Variants in RSRC1 observed in about 807,000 individuals in gnomAD.
RSRC1 encodes the protein serine/Arginine-related protein 53.
In RSRC1, 39 loss-of-function variants were observed where a neutral mutation model predicts 49.1. The ratio of observed to expected loss-of-function variants is 0.79; its 90% CI spans 0.61 to 1.04. The LOEUF (loss-of-function observed/expected upper bound fraction) is 1.04, where lower values mean the gene tolerates loss of function less well. RSRC1 is among the 50% of genes least tolerant of loss of function. The pLI is 0.00. For synonymous variants in RSRC1, 143 were observed against 130.8 expected, an observed-to-expected ratio of 1.09 and a Z score of -0.63; for missense variants, 388 against 402.4, an observed-to-expected ratio of 0.96 and a Z score of 0.31.
intron 7 of RSRC1, among the ~76,000 whole-genome samples, chr3:158,461,613 G>A (rs575959080): frequency 1.3e-4 from 19 of 151,404 alleles, no homozygotes; most frequent in Non-Finnish European, 2.2e-4. Context: ...TTTTCTTCAC[G>A]GGGGATTATA....
chr3:158,292,188 A>G (rs912204159), intron 4 of RSRC1, among the ~76,000 whole-genome samples: 2 of 152,164 alleles, frequency 1.3e-5, no homozygotes, highest in African/African-American at 4.8e-5. Context: ...TGCCAACATC[A>G]CTATCTGTGC....
intron 4 of RSRC1, among the ~76,000 whole-genome samples, chr3:158,240,767 C>T (rs143828439): frequency 0.014 from 2,155 of 152,240 alleles, 23 homozygotes; most frequent in Middle Eastern, 0.027. Context: ...TGATGAAAAT[C>T]TTCACTGTCT....
intron 3 of RSRC1, among the ~76,000 whole-genome samples, chr3:158,195,642 A>C: frequency 6.6e-6 from 1 of 152,166 alleles, no homozygotes; most frequent in Non-Finnish European, 1.5e-5. Context: ...TCTAAGATTT[A>C]AGTCTATAAT....
chr3:158,254,983 G>T (rs982667100), intron 4 of RSRC1, among the ~76,000 whole-genome samples: 2 of 151,928 alleles, frequency 1.3e-5, no homozygotes, highest in African/African-American at 4.8e-5. Context: ...TTGTCAGATG[G>T]GTAGATTGCA....
chr3:158,303,307 A>G (rs1268861269), intron 5 of RSRC1: 1 of 152,238 alleles, frequency 6.6e-6, no homozygotes, highest in Non-Finnish European at 1.5e-5. Context: ...GCTTGAAAGA[A>G]GGACAGCTGT....
intron 7 of RSRC1, among the ~76,000 whole-genome samples, chr3:158,479,381 T>C (rs1738519735): frequency 1.3e-5 from 2 of 151,776 alleles, no homozygotes; most frequent in South Asian, 2.1e-4. Context: ...AACCCATAGA[T>C]TGGAATTTGC....
chr3:158,235,590 A>C (rs1462109963), intron 4 of RSRC1, among the ~76,000 whole-genome samples: 1 of 152,188 alleles, frequency 6.6e-6, no homozygotes, highest in Non-Finnish European at 1.5e-5. Context: ...GAGTTCATAT[A>C]TATTTTAAAC....
At chr3:158,373,895 G>A (rs564014886) in intron 6 of RSRC1, among the ~76,000 whole-genome samples, 4 of 152,166 alleles carry the variant, frequency 2.6e-5, no homozygotes, top group African/African-American at 7.2e-5. Context: ...AAAAGTAAGT[G>A]TGGCTTTTGC....
chr3:158,345,388 A>T (rs528745135), intron 5 of RSRC1, among the ~76,000 whole-genome samples: 58 of 152,282 alleles, frequency 3.8e-4, no homozygotes, highest in African/African-American at 1.3e-3. Flanking sequence ...CTGCTTACTT[A>T]AAAAAGTACA....
chr3:158,511,607 G>C (rs536551164), intron 7 of RSRC1, among the ~76,000 whole-genome samples: 1 of 152,298 alleles, frequency 6.6e-6, no homozygotes, highest in South Asian at 2.1e-4. Flanking sequence ...CTTTATAGCA[G>C]CATGATTTAT....
At chr3:158,359,642 A>C (rs1292374006) in intron 6 of RSRC1, among the ~76,000 whole-genome samples, 2 of 152,158 alleles carry the variant, frequency 1.3e-5, no homozygotes, top group Admixed American at 1.3e-4. Context: ...CAGGGTCCCA[A>C]GGAGGGAGCC....
intron 6 of RSRC1, among the ~76,000 whole-genome samples, chr3:158,453,317 C>T (rs1024428239): frequency 8.6e-5 from 13 of 151,194 alleles, no homozygotes; most frequent in African/African-American, 2.7e-4. Flanking sequence ...AGTGGGATTG[C>T]TTGATGCAGG....
chr3:158,341,136 A>AT (rs1730213019), intron 5 of RSRC1, among the ~76,000 whole-genome samples: 2 of 152,160 alleles, frequency 1.3e-5, no homozygotes, highest in Non-Finnish European at 2.9e-5. Flanking sequence ...AGTTCAGAAA[A>AT]TTTGCAGCCT....
At chr3:158,541,708 T>TA (rs1387354929) in intron 8 of RSRC1, among the ~76,000 whole-genome samples, 10 of 152,184 alleles carry the variant, frequency 6.6e-5, no homozygotes, top group Non-Finnish European at 1.5e-4. Context: ...CAAATGGGTA[T>TA]AAAAAAGGCT....
intron 6 of RSRC1, among the ~76,000 whole-genome samples, chr3:158,425,155 C>A (rs570850251): frequency 7.8e-4 from 119 of 151,912 alleles, no homozygotes; most frequent in African/African-American, 2.8e-3. Flanking sequence ...TTTTCTAGTT[C>A]TTTTAATTGT....
chr3:158,157,316 T>A (rs150976808), intron 3 of RSRC1, among the ~76,000 whole-genome samples: 152 of 152,328 alleles, frequency 1.0e-3, no homozygotes, highest in African/African-American at 3.4e-3. Flanking sequence ...TTCAGTGGGA[T>A]AGGTTTAGAA....
intron 6 of RSRC1, among the ~76,000 whole-genome samples, chr3:158,439,983 G>T (rs1736291682): frequency 6.6e-6 from 1 of 151,920 alleles, no homozygotes; most frequent in Non-Finnish European, 1.5e-5. Flanking sequence ...AAAGGCAAGG[G>T]GAGGGAGAGC....
chr3:158,297,386 A>T (rs956601128), intron 4 of RSRC1, among the ~76,000 whole-genome samples: 2 of 152,050 alleles, frequency 1.3e-5, no homozygotes, highest in Admixed American at 1.3e-4. Context: ...GAAATTTAAT[A>T]CTTAAAATAT....
chr3:158,309,568 A>G lies in RSRC1; in HGVS notation c.531+11493A>G, dbSNP rs75028427. Among the ~76,000 whole-genome samples the G allele has an allele frequency of 9.1e-3, 1,379 of 151,972 alleles. 21 individuals are homozygous for G. The highest frequency in any genetic ancestry group is 0.049 in the South Asian group (234 of 4,822). ...TTTAAATATGTGAAATATTTAATGT[A>G]TTCTATTTGTGCTCTCATACATGGA... is the stretch of plus-strand genomic sequence containing the variant. On this transcript the variant is annotated intron_variant, in intron 5 of 9. Coordinates refer to ENST00000611884, the MANE Select transcript of RSRC1 (RefSeq NM_001271838.2).
Sources: allele counts gnomAD v4.1 joint callset (sites outside exome capture counted in the v4.1 genomes callset), GRCh38; gene constraint gnomAD v4.1.1; transcripts MANE v1.5; gene names NCBI Gene and HGNC (gene_info 2026-07-23, HGNC 2026-07-21).